The following SSX2IP variants were observed in gnomAD, a reference collection of about 807,000 sequenced individuals.
SSX2IP encodes the protein SSX family member 2 interacting protein.
Under a neutral mutation model 84.9 loss-of-function variants are expected in SSX2IP, and 55 were observed. The observed-to-expected ratio is 0.65, with a 90% confidence interval of 0.52 to 0.81. SSX2IP has a LOEUF of 0.81. SSX2IP is among the 30% of genes least tolerant of loss of function. The pLI, the probability that SSX2IP is intolerant of heterozygous loss-of-function variation, is 0.00. For synonymous variants in SSX2IP, 239 were observed against 234.7 expected (o/e 1.02, Z -0.17); for missense variants, 664 against 705.2 (o/e 0.94, Z 0.66).
intron 6 of SSX2IP, among the ~76,000 whole-genome samples, chr1:84,663,599 A>G (rs1652348333): frequency 6.6e-6 from 1 of 152,222 alleles, no homozygotes; most frequent in Non-Finnish European, 1.5e-5. Flanking sequence ...AGTCAACACT[A>G]AACTGCTTGC....
At chr1:84,676,205 G>C (rs1198243586) in intron 1 of SSX2IP, among the ~76,000 whole-genome samples, 1 of 152,044 alleles carries the variant, frequency 6.6e-6, no homozygotes, top group Admixed American at 6.6e-5. Flanking sequence ...AGATTGTCAG[G>C]GAACAAACCT....
intron 1 of SSX2IP, among the ~76,000 whole-genome samples, chr1:84,674,281 T>C (rs1166384011): frequency 6.6e-6 from 1 of 151,984 alleles, no homozygotes; most frequent in Non-Finnish European, 1.5e-5. Flanking sequence ...CATAAGCTAA[T>C]ATTAATCATC....
intron 13 of SSX2IP, 35 bp downstream of exon 13, chr1:84,650,327 A>G (rs1252341936): frequency 3.7e-6 from 6 of 1,612,696 alleles, no homozygotes; most frequent in South Asian, 3.3e-5. Context: ...AGCAATTTTT[A>G]GAAACACGTG....
At chr1:84,655,087 T>C (rs746106733) in intron 11 of SSX2IP, among the ~76,000 whole-genome samples, 3 of 151,924 alleles carry the variant, frequency 2.0e-5, no homozygotes, top group Non-Finnish European at 4.4e-5. Context: ...AGGGTGTAGG[T>C]AGGAGGTACA....
At position 84,660,203 on chromosome 1, in the gene SSX2IP, T is replaced by C. The variant is rs1651734318; in HGVS notation, c.928-1735A>G. ...AAGGGAGCTAGAAAAATGGATCTTTTAAAACTAGAATATATATTTAAGAGG... is the reference window on the plus strand; with the variant it reads ...AAGGGAGCTAGAAAAATGGATCTTTCAAAACTAGAATATATATTTAAGAGG... On this transcript the variant is annotated intron_variant, in intron 8 of 13. Transcript: ENST00000342203. 2.0e-5 allele frequency among the ~76,000 whole-genome samples: 3 copies of C among 152,142 alleles called. No homozygotes were observed. The South Asian group carries it at 6.2e-4, about 32-fold the overall frequency.
In SSX2IP at chr1:84,653,385, C is replaced by T. The variant is rs927104183; in HGVS notation, c.1390-1388G>A. On this transcript the variant is annotated intron_variant, in intron 11 of 13. Transcript: ENST00000342203. Reference sequence around the variant, plus strand: ...GGCATAGGCAAATTATGTCAAACCTCCCCCTTCTGAATAGCTGATGAATCC... The same window carrying T: ...GGCATAGGCAAATTATGTCAAACCTTCCCCTTCTGAATAGCTGATGAATCC... Among the ~76,000 whole-genome samples the T allele has an allele frequency of 2.6e-5, 4 of 152,170 alleles. No individual in the cohort carries two copies. The East Asian group carries it at 7.7e-4, about 29-fold the overall frequency.
chr1:84,668,753 G>GT (rs199524987), intron 4 of SSX2IP, among the ~76,000 whole-genome samples: 173 of 151,672 alleles, frequency 1.1e-3, no homozygotes, highest in Non-Finnish European at 1.9e-3. Context: ...TTCTGAGTGG[G>GT]TTTTTTTTAT....
At chr1:84,675,301 T>C (rs149727022) in intron 1 of SSX2IP, among the ~76,000 whole-genome samples, 48 of 152,328 alleles carry the variant, frequency 3.2e-4, no homozygotes, top group African/African-American at 1.0e-3. Context: ...ACTGTTACCA[T>C]AGTTACCTTA....
At position 84,645,927 on chromosome 1, in the gene SSX2IP, G is replaced by A. The variant is rs951192264; in HGVS notation, c.*1506C>T. The A allele has an allele frequency of 1.3e-5, 2 of 152,166 alleles. No individual in the cohort carries two copies. The highest frequency in any genetic ancestry group is 1.3e-4 in the Admixed American group (2 of 15,282). The allele number at this position is 152,166 out of a possible 1,614,324, so 9.4% of individuals were successfully genotyped here. A position where few individuals can be genotyped will look rare whatever the true frequency, so the allele number is the denominator to read the frequency against. ...GAGTATATCCACTAATGTCTCATAA[G>A]ACACTCTTAATGATATCCTATCAGC... On this transcript the variant is annotated 3_prime_UTR_variant, in exon 14 of 14. Coordinates refer to ENST00000342203, the MANE Select transcript of SSX2IP (RefSeq NM_001166293.2).
At chr1:84,669,928 C>T (rs556601000) in intron 3 of SSX2IP, 35 bp from the exon 4 acceptor site, 3 of 1,526,198 alleles carry the variant, frequency 2.0e-6, no homozygotes, top group African/African-American at 1.4e-5. Context: ...AAGTTGGTTA[C>T]AGTTGAGGAG....
chr1:84,690,474 C>G (rs1310641490), upstream of SSX2IP: 8 of 152,124 alleles, frequency 5.3e-5, no homozygotes, highest in East Asian at 9.7e-4. Context: ...CGCCCGCGGC[C>G]CCTCCTCCGC....
intron 1 of SSX2IP, among the ~76,000 whole-genome samples, chr1:84,684,778 G>A (rs1353918696): frequency 6.6e-6 from 1 of 152,092 alleles, no homozygotes; most frequent in East Asian, 1.9e-4. Context: ...GGAATATTAT[G>A]CAGTAATCAG....
At chr1:84,671,524 T>C (rs1653576608) in intron 1 of SSX2IP, among the ~76,000 whole-genome samples, 1 of 152,122 alleles carries the variant, frequency 6.6e-6, no homozygotes, top group African/African-American at 2.4e-5. Context: ...TCTACTGAGG[T>C]ATTCATATTA....
intron 6 of SSX2IP, among the ~76,000 whole-genome samples, chr1:84,663,354 CT>C (rs1652307947): frequency 6.6e-6 from 1 of 152,136 alleles, no homozygotes; most frequent in African/African-American, 2.4e-5. Flanking sequence ...CTGTGTTACA[CT>C]TTATACTTTC....
chr1:84,657,631 A>G (rs1293079237), intron 9 of SSX2IP, among the ~76,000 whole-genome samples: 1 of 152,138 alleles, frequency 6.6e-6, no homozygotes, highest in Non-Finnish European at 1.5e-5. Flanking sequence ...TAAGATCTTT[A>G]GTGGTGATTT....
chr1:84,664,129 C>G (rs1386169985), intron 6 of SSX2IP, among the ~76,000 whole-genome samples: 1 of 152,098 alleles, frequency 6.6e-6, no homozygotes, highest in Admixed American at 6.6e-5. Flanking sequence ...ATTATCAGTT[C>G]TTTGCTATGG....
Position 84,662,532 on chromosome 1 carries a change from T to C in SSX2IP, c.674-2A>G, listed in dbSNP as rs1652172688. ...CGACATAATTCAAAATGTCCATAGC[T>C]ACAAACATGAACACATAAAATTAAT... is the stretch of plus-strand genomic sequence containing the variant. On this transcript the variant is annotated splice_acceptor_variant, in intron 6 of 13. Transcript: ENST00000342203. LOFTEE classifies it high-confidence loss of function. 7 of 1,613,744 alleles carry C rather than the reference T, an allele frequency of 4.3e-6. No homozygotes were observed. The highest frequency in any genetic ancestry group is 5.9e-6 in the Non-Finnish European group (7 of 1,179,804).
chr1:84,666,152 C>T lies in SSX2IP; in HGVS notation c.507G>A (p.Leu169=), dbSNP rs756560678. Reference sequence around the variant, plus strand: ...CTTTCTCATTCTTTAGTAGCTGATGCAAATTCCTGTTCTTACATTGTAACT... The same window carrying T: ...CTTTCTCATTCTTTAGTAGCTGATGTAAATTCCTGTTCTTACATTGTAACT... ...DRQLQCKNRN[L]HQLLKNEKDE... is the part of the protein sequence containing the mutation. Residue 169 remains leucine, a synonymous_variant, in exon 5 of 14, where the codon TTG becomes TTA. Coordinates refer to ENST00000342203, the MANE Select transcript of SSX2IP (RefSeq NM_001166293.2). The T allele has an allele frequency of 2.5e-6, 4 of 1,612,174 alleles. No homozygotes were observed. In the East Asian group the frequency reaches 6.7e-5, roughly 27 times the overall value.
intron 1 of SSX2IP, among the ~76,000 whole-genome samples, chr1:84,682,788 A>G (rs954034482): frequency 3.9e-5 from 6 of 152,190 alleles, no homozygotes; most frequent in African/African-American, 1.4e-4. Context: ...GGTGTGAGCC[A>G]TCACGCACTG....
Sources: gnomAD v4.1 joint callset for allele counts (sites outside exome capture counted in the v4.1 genomes callset) on GRCh38, gnomAD v4.1.1 for gene constraint, MANE v1.5 for transcripts, NCBI Gene and HGNC (gene_info 2026-07-23, HGNC 2026-07-21) for gene names.